The following CTNNA2 variants were observed in gnomAD, a reference collection of about 807,000 sequenced individuals.
The protein encoded by CTNNA2 is catenin alpha-2.
A neutral mutation model predicts 101.0 loss-of-function variants in CTNNA2; 42 were observed. The observed-to-expected ratio is 0.42, with a 90% confidence interval of 0.32 to 0.54. The LOEUF is 0.54. CTNNA2 is among the 20% of genes least tolerant of loss of function. The probability of loss-of-function intolerance (pLI) is 0.14; values close to 1 mark genes in which losing one functional copy is unlikely to be tolerated. For missense variants in CTNNA2, 871 were observed against 1,223.1 expected (o/e 0.71, Z 4.29); for synonymous variants, 450 against 456.4 (o/e 0.99, Z 0.18).
In CTNNA2 at chr2:80,608,114, C is replaced by G. The variant is rs1698176277; in HGVS notation, c.2296-70C>G. The G allele has an allele frequency of 5.4e-6, 8 of 1,472,152 alleles. No homozygotes were observed. The South Asian group carries it at 9.8e-5, about 18-fold the overall frequency. The allele number at this position is 1,472,152 out of a possible 1,614,324, so 91.2% of individuals were successfully genotyped here. Reference sequence around the variant, plus strand: ...ACACTGAAAACTTTTCTTCCTGCAGCTTTTCTATAACAAATGTTAGAAACT... The same window carrying G: ...ACACTGAAAACTTTTCTTCCTGCAGGTTTTCTATAACAAATGTTAGAAACT... On this transcript the variant is annotated intron_variant, in intron 16 of 18. Coordinates refer to ENST00000402739, the MANE Select transcript of CTNNA2 (RefSeq NM_001282597.3).
At chr2:80,481,869 C>T (rs1362907364) in intron 9 of CTNNA2, among the ~76,000 whole-genome samples, 2 of 151,968 alleles carry the variant, frequency 1.3e-5, no homozygotes, top group Non-Finnish European at 2.9e-5. Flanking sequence ...GACTTCATGC[C>T]TTCCACAAAC....
intron 4 of CTNNA2, among the ~76,000 whole-genome samples, chr2:79,375,666 G>T (rs1462820734): frequency 6.6e-6 from 1 of 152,062 alleles, no homozygotes; most frequent in Admixed American, 6.5e-5. Context: ...GATGTTTAAG[G>T]TACTACAGTG....
At chr2:79,415,251 G>A (rs921216273) in intron 4 of CTNNA2, among the ~76,000 whole-genome samples, 11 of 152,050 alleles carry the variant, frequency 7.2e-5, no homozygotes, top group South Asian at 2.1e-4. Flanking sequence ...CCACCACTCC[G>A]TCTTGCTCCT....
At chr2:79,637,411 T>C (rs1411552269) in intron 1 of CTNNA2, among the ~76,000 whole-genome samples, 3 of 152,190 alleles carry the variant, frequency 2.0e-5, no homozygotes, top group Admixed American at 1.3e-4. Context: ...GATAGTTTCA[T>C]ACATTTGTAG....
chr2:80,334,375 G>A (rs1671600821), intron 7 of CTNNA2, among the ~76,000 whole-genome samples: 1 of 152,168 alleles, frequency 6.6e-6, no homozygotes, highest in African/African-American at 2.4e-5. Flanking sequence ...TGAGACCTCA[G>A]AGCCTCATTT....
At chr2:79,276,142 G>T (rs1675207491) in intron 2 of CTNNA2, among the ~76,000 whole-genome samples, 1 of 152,042 alleles carries the variant, frequency 6.6e-6, no homozygotes, top group Non-Finnish European at 1.5e-5. Flanking sequence ...AAAGAAAGAA[G>T]GTCACAGAAG....
At chr2:79,241,981 C>T (rs1038093545) in intron 2 of CTNNA2, among the ~76,000 whole-genome samples, 3 of 152,062 alleles carry the variant, frequency 2.0e-5, no homozygotes, top group Non-Finnish European at 4.4e-5. Flanking sequence ...TCTCCGCTCA[C>T]TGCAAGCTCC....
At chr2:79,549,307 A>C (rs1324490549) in intron 1 of CTNNA2, among the ~76,000 whole-genome samples, 1 of 152,228 alleles carries the variant, frequency 6.6e-6, no homozygotes, top group Admixed American at 6.5e-5. Flanking sequence ...GCCTCTTAGC[A>C]CATGGGTCGG....
At chr2:80,032,236 G>A (rs573343542) in intron 7 of CTNNA2, among the ~76,000 whole-genome samples, 19 of 152,198 alleles carry the variant, frequency 1.2e-4, no homozygotes, top group South Asian at 4.2e-4. Context: ...AAAAATACAC[G>A]TTCTTCAGGG....
At chr2:79,760,580 C>T (rs917001328) in intron 3 of CTNNA2, among the ~76,000 whole-genome samples, 1 of 152,122 alleles carries the variant, frequency 6.6e-6, no homozygotes, top group Non-Finnish European at 1.5e-5. Context: ...ATCTTCTTTA[C>T]TTAAATGTTA....
At chr2:79,468,901 G>C (rs1172924847) in intron 4 of CTNNA2, among the ~76,000 whole-genome samples, 1 of 152,148 alleles carries the variant, frequency 6.6e-6, no homozygotes, top group Non-Finnish European at 1.5e-5. Context: ...GAAATTTATA[G>C]CACTAAATAC....
intron 1 of CTNNA2, among the ~76,000 whole-genome samples, chr2:79,527,798 C>T (rs918581925): frequency 5.9e-5 from 9 of 152,110 alleles, no homozygotes; most frequent in African/African-American, 2.2e-4. Context: ...TATGACCCAA[C>T]AATTCTATTC....
rs184214507 is a variant in CTNNA2 at position 79,360,138 on chromosome 2, T to A, written c.-317-13693T>A. ...CACAGTTACAGTTCCACAAATATAA[T>A]TAAGCTACTATTATGACTAAGACAC... On this transcript the variant is annotated intron_variant, in intron 3 of 21. Transcript: ENST00000466387. Among the ~76,000 whole-genome samples the A allele has an allele frequency of 1.1e-3, 168 of 152,300 alleles. No individual in the cohort carries two copies. The Middle Eastern group carries it at 0.017, about 15-fold the overall frequency.
chr2:79,424,134 G>A (rs1252917692), intron 4 of CTNNA2, among the ~76,000 whole-genome samples: 1 of 152,110 alleles, frequency 6.6e-6, no homozygotes, highest in Non-Finnish European at 1.5e-5. Context: ...TGAGGGACCG[G>A]TTCAGCCAGA....
chr2:79,189,208 GTATT>G, intron 1 of CTNNA2, among the ~76,000 whole-genome samples: 1 of 152,178 alleles, frequency 6.6e-6, no homozygotes, highest in East Asian at 1.9e-4. Flanking sequence ...GAATAACTCA[GTATT>G]TAATAACAAA....
chr2:79,273,079 G>A (rs1476007256), intron 2 of CTNNA2, among the ~76,000 whole-genome samples: 1 of 151,588 alleles, frequency 6.6e-6, no homozygotes, highest in Non-Finnish European at 1.5e-5. Context: ...TTTTTTTTAT[G>A]GTTTCATGTT....
intron 4 of CTNNA2, among the ~76,000 whole-genome samples, chr2:79,865,955 G>T (rs1450804894): frequency 1.3e-5 from 2 of 152,172 alleles, no homozygotes; most frequent in African/African-American, 2.4e-5. Flanking sequence ...TCCTGACCTC[G>T]TGATCCGCCC....
intron 12 of CTNNA2, among the ~76,000 whole-genome samples, chr2:80,567,329 T>C (rs181944646): frequency 2.6e-4 from 40 of 152,024 alleles, no homozygotes; most frequent in African/African-American, 9.2e-4. Context: ...AGATGTGTTA[T>C]GGCTTCAGTT....
At chr2:80,361,948 T>G (rs757117027) in intron 7 of CTNNA2, among the ~76,000 whole-genome samples, 105 of 152,296 alleles carry the variant, frequency 6.9e-4, no homozygotes, top group Admixed American at 1.6e-3. Flanking sequence ...ATACATGTTC[T>G]TAAGATAAAC....
Sources: allele counts gnomAD v4.1 joint callset (sites outside exome capture counted in the v4.1 genomes callset), GRCh38; gene constraint gnomAD v4.1.1; transcripts MANE v1.5; gene names NCBI Gene and HGNC (gene_info 2026-07-23, HGNC 2026-07-21).